Variants in CDK14 observed in about 807,000 individuals in gnomAD.
The protein encoded by CDK14 is cyclin dependent kinase 14, also known as cyclin-dependent kinase 14.
Under a neutral mutation model 60.7 loss-of-function variants are expected in CDK14, and 34 were observed. The observed-to-expected ratio is 0.56, with a 90% confidence interval of 0.43 to 0.75. The LOEUF is 0.75. CDK14 is among the 30% of genes least tolerant of loss of function. The pLI is 0.00. For synonymous variants in CDK14, 197 were observed against 203.7 expected (o/e 0.97, Z 0.28); for missense variants, 482 against 564.1 (o/e 0.85, Z 1.47).
At chr7:90,649,016 T>C (rs994982506) in intron 2 of CDK14, among the ~76,000 whole-genome samples, 2 of 152,178 alleles carry the variant, frequency 1.3e-5, no homozygotes, top group Non-Finnish European at 2.9e-5. Context: ...GGCTATTTAA[T>C]TGTGGTTTCA....
chr7:91,048,227 G>T (rs1336265681), intron 11 of CDK14, among the ~76,000 whole-genome samples: 2 of 152,084 alleles, frequency 1.3e-5, no homozygotes, highest in Non-Finnish European at 2.9e-5. Flanking sequence ...TTATGTAAAT[G>T]TAAGAAATTA....
intron 3 of CDK14, among the ~76,000 whole-genome samples, chr7:90,747,263 G>A (rs1000418751): frequency 6.6e-6 from 1 of 152,150 alleles, no homozygotes; most frequent in South Asian, 2.1e-4. Context: ...TGACCCATGG[G>A]CCACAGTTTG....
At chr7:90,865,483 C>T (rs980611171) in intron 6 of CDK14, among the ~76,000 whole-genome samples, 1 of 152,112 alleles carries the variant, frequency 6.6e-6, no homozygotes, top group African/African-American at 2.4e-5. Context: ...AATCAGATTG[C>T]TTTCCTCACA....
At chr7:91,148,305 C>G (rs1034049543) in intron 14 of CDK14, among the ~76,000 whole-genome samples, 1 of 152,052 alleles carries the variant, frequency 6.6e-6, no homozygotes, top group African/African-American at 2.4e-5. Context: ...CTGTGGAGGT[C>G]AAGGCTGTAG....
chr7:91,062,930 C>G (rs1274555473), intron 11 of CDK14, among the ~76,000 whole-genome samples: 1 of 152,144 alleles, frequency 6.6e-6, no homozygotes, highest in Admixed American at 6.5e-5. Flanking sequence ...TTTGGAGTGG[C>G]AACTATGGAA....
intron 5 of CDK14, among the ~76,000 whole-genome samples, chr7:90,842,547 G>A (rs371563281): frequency 2.0e-5 from 3 of 152,112 alleles, no homozygotes; most frequent in African/African-American, 7.2e-5. Flanking sequence ...ACAAAAAGAC[G>A]TCTTTCTCTC....
intron 14 of CDK14, among the ~76,000 whole-genome samples, chr7:91,179,779 G>C (rs2055066931): frequency 6.6e-6 from 1 of 151,856 alleles, no homozygotes; most frequent in South Asian, 2.1e-4. Flanking sequence ...CTCCAGCCTG[G>C]GCGACAGAGC....
intron 2 of CDK14, among the ~76,000 whole-genome samples, chr7:90,630,958 T>C (rs193100855): frequency 6.6e-6 from 1 of 151,566 alleles, no homozygotes; most frequent in Non-Finnish European, 1.5e-5. Context: ...AGTTAATCTC[T>C]TTTATTTTCT....
chr7:91,023,375 T>A (rs1395334124), intron 10 of CDK14, among the ~76,000 whole-genome samples: 1 of 152,214 alleles, frequency 6.6e-6, no homozygotes, highest in African/African-American at 2.4e-5. Context: ...TGATATGTTA[T>A]CACTCGGAAG....
At chr7:91,163,869 A>G (rs1801250982) in intron 14 of CDK14, among the ~76,000 whole-genome samples, 2 of 152,212 alleles carry the variant, frequency 1.3e-5, no homozygotes, top group South Asian at 4.1e-4. Flanking sequence ...TAGTTTTACA[A>G]ATTAATTGTT....
intron 10 of CDK14, among the ~76,000 whole-genome samples, chr7:90,991,979 G>GA (rs1182602907): frequency 1.3e-5 from 2 of 152,158 alleles, no homozygotes; most frequent in Non-Finnish European, 2.9e-5. Flanking sequence ...TCTATGAAAA[G>GA]AAAAAGTCTA....
chr7:91,158,080 TTATATACATTAAA>T (rs1383520452), intron 14 of CDK14, among the ~76,000 whole-genome samples: 1 of 113,330 alleles, frequency 8.8e-6, no homozygotes, highest in African/African-American at 2.7e-5. Flanking sequence ...TATACATTAA[TTATATACATTAAA>T]TATATATAAA....
At chr7:91,103,364 C>A (rs1205414787) in intron 12 of CDK14, among the ~76,000 whole-genome samples, 1 of 152,146 alleles carries the variant, frequency 6.6e-6, no homozygotes, top group Non-Finnish European at 1.5e-5. Context: ...ACTTTCCATT[C>A]CATCTTTTCA....
chr7:91,173,322 G>A (rs1008436395), intron 14 of CDK14, among the ~76,000 whole-genome samples: 3 of 152,030 alleles, frequency 2.0e-5, no homozygotes, highest in Non-Finnish European at 2.9e-5. Flanking sequence ...TTTGGGGTGC[G>A]ATGGCACACT....
chr7:90,920,129 T>G (rs951398177), intron 8 of CDK14, among the ~76,000 whole-genome samples: 15 of 152,258 alleles, frequency 9.9e-5, no homozygotes, highest in African/African-American at 3.6e-4. Context: ...TTGGGCATGT[T>G]TGTGTGTCTG....
At chr7:90,918,008 A>G (rs771156865) in intron 8 of CDK14, among the ~76,000 whole-genome samples, 10 of 152,220 alleles carry the variant, frequency 6.6e-5, no homozygotes, top group Non-Finnish European at 1.5e-4. Context: ...AATTTTGAAC[A>G]TAAAATATAT....
At chr7:90,975,548 A>G (rs1795044828) in intron 9 of CDK14, among the ~76,000 whole-genome samples, 1 of 151,452 alleles carries the variant, frequency 6.6e-6, no homozygotes, top group African/African-American at 2.4e-5. Flanking sequence ...TATAGTCTTA[A>G]TAATATATAT....
At chr7:90,689,787 A>C (rs954803137) in intron 2 of CDK14, among the ~76,000 whole-genome samples, 1 of 152,218 alleles carries the variant, frequency 6.6e-6, no homozygotes, top group African/African-American at 2.4e-5. Flanking sequence ...GAAAAAATGT[A>C]TGGAACTTAA....
chr7:90,668,897 T>A (rs35219099), intron 2 of CDK14, among the ~76,000 whole-genome samples: 41,565 of 151,192 alleles, frequency 0.27, 6,131 homozygotes, highest in Non-Finnish European at 0.34. Flanking sequence ...TTATTTATTT[T>A]TTTTTACAAT....
Sources: allele counts gnomAD v4.1 joint callset (sites outside exome capture counted in the v4.1 genomes callset), GRCh38; gene constraint gnomAD v4.1.1; transcripts MANE v1.5; gene names NCBI Gene and HGNC (gene_info 2026-07-23, HGNC 2026-07-21).